The following PSD2 variants were observed in gnomAD, a reference collection of about 807,000 sequenced individuals.
The protein encoded by PSD2 is PH and SEC7 domain-containing protein 2.
PSD2 carries 38 observed loss-of-function variants against 69.8 expected under a neutral mutation model. The ratio of observed to expected loss-of-function variants is 0.54; its 90% CI spans 0.42 to 0.71. PSD2 has a LOEUF of 0.71. PSD2 is among the 30% of genes least tolerant of loss of function. The pLI, the probability that PSD2 is intolerant of heterozygous loss-of-function variation, is 0.00. For missense variants in PSD2, 943 were observed against 1,014.5 expected, an observed-to-expected ratio of 0.93 and a Z score of 0.96; for synonymous variants, 412 against 423.0, an observed-to-expected ratio of 0.97 and a Z score of 0.32.
intron 9 of PSD2, among the ~76,000 whole-genome samples, chr5:139,836,240 G>T (rs1488168454): frequency 6.6e-6 from 1 of 152,204 alleles, no homozygotes; most frequent in African/African-American, 2.4e-5. Flanking sequence ...AGGAAAGAGG[G>T]GTGTTGACCT....
chr5:139,827,092 G>A (rs1760443156), intron 7 of PSD2, among the ~76,000 whole-genome samples: 1 of 152,248 alleles, frequency 6.6e-6, no homozygotes, highest in Admixed American at 6.5e-5. Context: ...ATCAATCTCT[G>A]TGGCAAGAGG....
intron 5 of PSD2, 126 bp from the exon 6 acceptor site, chr5:139,821,767 C>T: frequency 1.8e-6 from 1 of 553,620 alleles, no homozygotes; most frequent in Non-Finnish European, 3.2e-6. Flanking sequence ...AGAGAGCATC[C>T]AGACCCAGAG....
intron 7 of PSD2, among the ~76,000 whole-genome samples, chr5:139,829,992 AC>A: frequency 7.2e-6 from 1 of 139,842 alleles, no homozygotes; most frequent in East Asian, 2.1e-4. Flanking sequence ...ATCCTCACCA[AC>A]CCTTTTCTTT....
the PSD2 span, chr5:139,772,534 T>G: frequency 2.0e-5 from 3 of 152,492 alleles, no homozygotes; most frequent in Non-Finnish European, 2.9e-5. Flanking sequence ...CTTTCATCTC[T>G]CCTCCTCGTC....
chr5:139,794,007 C>T (rs931031267), upstream of PSD2, among the ~76,000 whole-genome samples: 2 of 152,222 alleles, frequency 1.3e-5, no homozygotes, highest in Non-Finnish European at 2.9e-5. Context: ...CTGGTCGCCA[C>T]CCTTCTCTGC....
chr5:139,770,942 A>G, the PSD2 span, among the ~76,000 whole-genome samples: 1 of 152,250 alleles, frequency 6.6e-6, no homozygotes, highest in Non-Finnish European at 1.5e-5. Context: ...TTTAAAACTG[A>G]CATTGCACAA....
In PSD2 at chr5:139,797,793, A is replaced by G. The variant is rs80290595; in HGVS notation, c.-51+1818A>G. Among the ~76,000 whole-genome samples, 4 of 152,198 alleles carry G rather than the reference A, an allele frequency of 2.6e-5. No individual in the cohort carries two copies. In the East Asian group the frequency reaches 7.7e-4, roughly 29 times the overall value. On this transcript the variant is annotated intron_variant, in intron 1 of 14. Transcript: ENST00000274710. Reference sequence around the variant, plus strand: ...AAGTCTCCTGGTTAGTAAGTGGCAGAGTGAGGATTTGCACTTGGCCAGAAC... The same window carrying G: ...AAGTCTCCTGGTTAGTAAGTGGCAGGGTGAGGATTTGCACTTGGCCAGAAC...
chr5:139,797,475 G>T (rs915504817), intron 1 of PSD2, among the ~76,000 whole-genome samples: 1 of 152,202 alleles, frequency 6.6e-6, no homozygotes, highest in Admixed American at 6.5e-5. Context: ...GCCCAGGGAT[G>T]CCCCCAGAGG....
Position 139,828,162 on chromosome 5 carries a change from T to A in PSD2, c.1269+5378T>A, listed in dbSNP as rs140470772. On this transcript the variant is annotated intron_variant, in intron 7 of 14. Transcript: ENST00000274710. ...GAGAAAATGGCAGTGTGGGTTAGAATTGGAGACGGAGACCAGGAGAGAAAT... is the reference window on the plus strand; with the variant it reads ...GAGAAAATGGCAGTGTGGGTTAGAAATGGAGACGGAGACCAGGAGAGAAAT... 2.2e-3 allele frequency among the ~76,000 whole-genome samples: 336 copies of A among 152,162 alleles called. 2 individuals are homozygous for A. Among genetic ancestry groups the A allele is most frequent in the African/African-American group, 7.9e-3 (327 of 41,500 alleles).
chr5:139,782,586 G>A, the PSD2 span, among the ~76,000 whole-genome samples: 10 of 148,938 alleles, frequency 6.7e-5, no homozygotes, highest in Non-Finnish European at 1.0e-4. Flanking sequence ...TCTGCCTCCC[G>A]GGTTCAAGCA....
chr5:139,820,806 G>A (rs973880636), intron 5 of PSD2, among the ~76,000 whole-genome samples: 1 of 152,166 alleles, frequency 6.6e-6, no homozygotes, highest in Non-Finnish European at 1.5e-5. Flanking sequence ...ATAGTGAAAT[G>A]CCTGTTCTGT....
chr5:139,799,141 T>A (rs1759603154), intron 1 of PSD2, among the ~76,000 whole-genome samples: 3 of 152,124 alleles, frequency 2.0e-5, no homozygotes, highest in Admixed American at 2.0e-4. Flanking sequence ...GCACCTGTTA[T>A]TAGTTTGTCC....
intron 5 of PSD2, among the ~76,000 whole-genome samples, chr5:139,820,367 C>G (rs955781377): frequency 2.6e-5 from 4 of 151,570 alleles, no homozygotes; most frequent in East Asian, 1.9e-4. Flanking sequence ...GAGAAGAGAA[C>G]GGGAGCAAGA....
chr5:139,821,694 C>T (rs1159639343), intron 5 of PSD2, among the ~76,000 whole-genome samples, 199 bp from the exon 6 acceptor site: 2 of 152,192 alleles, frequency 1.3e-5, no homozygotes, highest in Non-Finnish European at 2.9e-5. Flanking sequence ...TAAAGCTTAC[C>T]AGGTCCCCTG....
intron 5 of PSD2, among the ~76,000 whole-genome samples, chr5:139,819,120 A>G (rs1366441606): frequency 6.6e-6 from 1 of 152,228 alleles, no homozygotes; most frequent in African/African-American, 2.4e-5. Flanking sequence ...TGGATGCTGT[A>G]TACTTTGTAT....
chr5:139,801,650 A>G (rs1033258895), intron 1 of PSD2, among the ~76,000 whole-genome samples: 1 of 151,916 alleles, frequency 6.6e-6, no homozygotes, highest in Admixed American at 6.6e-5. Flanking sequence ...AGTATCACCT[A>G]TGTACTGCCA....
the PSD2 span, among the ~76,000 whole-genome samples, chr5:139,777,624 C>T: frequency 8.5e-5 from 13 of 152,142 alleles, no homozygotes; most frequent in Admixed American, 4.6e-4. Flanking sequence ...TGGCTCATGC[C>T]CTTAATCCCA....
chr5:139,833,893 C>A, intron 8 of PSD2, 102 bp downstream of exon 8: 1 of 885,840 alleles, frequency 1.1e-6, no homozygotes, highest in Non-Finnish European at 1.9e-6. Flanking sequence ...AGGCCGTTAA[C>A]ACAGGGTGCA....
chr5:139,743,138 C>T, the PSD2 span, among the ~76,000 whole-genome samples: 15 of 152,142 alleles, frequency 9.9e-5, no homozygotes, highest in African/African-American at 3.4e-4. Flanking sequence ...AGGAGAGCTG[C>T]GAGCCCCTGT....
Sources: gnomAD v4.1 joint callset for allele counts (sites outside exome capture counted in the v4.1 genomes callset) on GRCh38, gnomAD v4.1.1 for gene constraint, MANE v1.5 for transcripts, NCBI Gene and HGNC (gene_info 2026-07-23, HGNC 2026-07-21) for gene names.